Variants in MYO19 observed in about 807,000 individuals in gnomAD.
MYO19 encodes myosin XIX.
In MYO19, 132 loss-of-function variants were observed where a neutral mutation model predicts 129.2. The ratio of observed to expected loss-of-function variants is 1.02; its 90% CI spans 0.89 to 1.18. The LOEUF (loss-of-function observed/expected upper bound fraction) is 1.18. MYO19 is among the 50% of genes most tolerant of loss of function. The pLI is 0.00. For synonymous variants in MYO19, 531 were observed against 477.2 expected (o/e 1.11, Z -1.47); for missense variants, 1,210 against 1,216.7 (o/e 0.99, Z 0.08).
intron 3 of MYO19, among the ~76,000 whole-genome samples, chr17:36,529,487 C>T (rs2073694466): frequency 6.6e-6 from 1 of 152,086 alleles, no homozygotes. Context: ...GGTGAATTTC[C>T]AATGAGAATG....
chr17:36,536,890 T>C (rs1187528233), upstream of MYO19, among the ~76,000 whole-genome samples: 1 of 152,196 alleles, frequency 6.6e-6, no homozygotes, highest in Non-Finnish European at 1.5e-5. Flanking sequence ...TTAATATTAT[T>C]AGTATGACAT....
chr17:36,533,693 C>G (rs990397748), intron 2 of MYO19: 4 of 152,198 alleles, frequency 2.6e-5, no homozygotes, highest in Non-Finnish European at 4.4e-5. Context: ...CTAAAAGATC[C>G]TGACCCTGGA....
upstream of MYO19, chr17:36,538,383 G>A (rs1198359147): frequency 2.5e-6 from 4 of 1,613,998 alleles, no homozygotes; most frequent in Non-Finnish European, 3.4e-6. Context: ...AGAATCTCTA[G>A]TCCCTGAAGC....
upstream of MYO19, among the ~76,000 whole-genome samples, chr17:36,539,919 T>A (rs988644535): frequency 2.6e-5 from 4 of 151,644 alleles, no homozygotes; most frequent in African/African-American, 9.7e-5. Flanking sequence ...TAGAGCTGAT[T>A]AGTGGGATGA....
chr17:36,526,091 C>T (rs1027739732), intron 5 of MYO19, among the ~76,000 whole-genome samples: 2 of 152,168 alleles, frequency 1.3e-5, no homozygotes, highest in African/African-American at 4.8e-5. Context: ...GGCAACTGTT[C>T]CATATGGCGT....
chr17:36,504,628 G>A (rs2071754055), intron 19 of MYO19: 2 of 156,156 alleles, frequency 1.3e-5, no homozygotes, highest in Non-Finnish European at 2.8e-5. Context: ...AAATGATACC[G>A]GCTGAGTGCA....
At chr17:36,535,131 G>T (rs1291622931), upstream of MYO19, 1 of 150,636 alleles carries the variant, frequency 6.6e-6, no homozygotes, top group East Asian at 1.9e-4. Flanking sequence ...AAGCGCGGAA[G>T]CACGGTTTCC....
At position 36,512,553 on chromosome 17, in the gene MYO19, G is replaced by A. The variant is rs1247767719; in HGVS notation, c.894+876C>T. 5 of 1,168,130 alleles carry A rather than the reference G, an allele frequency of 4.3e-6. No individual in the cohort carries two copies. The East Asian group carries it at 2.4e-4, about 57-fold the overall frequency. The allele number at this position is 1,168,130 out of a possible 1,614,324, so 72.4% of individuals were successfully genotyped here. ...CATGCCCACCAGGCAGAAGGGCTGT[G>A]GCAGAGGGTCATGCCCACCCCCAAA... On this transcript the variant is annotated intron_variant, in intron 11 of 25. Coordinates refer to ENST00000614623, the MANE Select transcript of MYO19 (RefSeq NM_001163735.2).
rs1458676462 is a variant in MYO19 at position 36,500,908 on chromosome 17, A to G, written c.2299T>C (p.Cys767Arg). Reference protein sequence around the residue: ...RARVLEQCARCIQGGWRRHRH... With the variant: ...RARVLEQCARRIQGGWRRHRH... ...TGTCGCCTCCAGCCACCCTGGATGC[A>G]GCGGGCACACTGCTCCAGCACCCGG... The change falls in exon 23 of 26, where the codon TGC becomes CGC. Residue 767 changes from cysteine to arginine, a missense_variant. Physicochemically the swap from Cys to Arg is radical, Grantham distance 180. Coordinates refer to ENST00000614623, the MANE Select transcript of MYO19 (RefSeq NM_001163735.2). 6.2e-7 allele frequency: 1 copy of G among 1,609,786 alleles called. No homozygotes were observed. The highest frequency in any genetic ancestry group is 8.5e-7 in the Non-Finnish European group (1 of 1,179,246).
upstream of MYO19, chr17:36,538,082 T>A (rs1475413023): frequency 6.2e-7 from 1 of 1,614,194 alleles, no homozygotes; most frequent in Non-Finnish European, 8.5e-7. Flanking sequence ...TATATATGCA[T>A]AAGAACCGAT....
At position 36,498,403 on chromosome 17, in the gene MYO19, C is replaced by CCAATA; in HGVS notation, c.2619_2620insTATTG (p.Ala874TyrfsTer6). The CCAATA allele has an allele frequency of 1.2e-6, 2 of 1,614,036 alleles. No individual in the cohort carries two copies. Among genetic ancestry groups the CCAATA allele is most frequent in the Non-Finnish European group, 1.7e-6 (2 of 1,179,894 alleles). On this transcript the variant is annotated frameshift_variant, in exon 25 of 26. Transcript: ENST00000614623. LOFTEE classifies it high-confidence loss of function. ...CTCTGAAAGCTGCCTACACCCATAG[C>CCAATA]CGTATTGGCCAGGACCAGTCCCAGG...
intron 6 of MYO19, among the ~76,000 whole-genome samples, chr17:36,520,564 C>G (rs973591281): frequency 6.6e-6 from 1 of 152,102 alleles, no homozygotes; most frequent in African/African-American, 2.4e-5. Flanking sequence ...TTCTATTATA[C>G]TTCCACTACC....
intron 11 of MYO19, chr17:36,513,131 G>A (rs1204828608): frequency 1.4e-6 from 2 of 1,379,996 alleles, no homozygotes; most frequent in Admixed American, 3.2e-5. Context: ...AAGCAAGGCG[G>A]TAGCACTAGT....
At chr17:36,538,790 G>C (rs1373840785), upstream of MYO19, 2 of 612,402 alleles carry the variant, frequency 3.3e-6, no homozygotes, top group East Asian at 6.1e-5. Flanking sequence ...GTCTTGCTCT[G>C]TTACCCAGGC....
At chr17:36,496,478 C>G (rs1342619506) in intron 25 of MYO19, 72 bp from the exon 26 acceptor site, 3 of 1,485,756 alleles carry the variant, frequency 2.0e-6, no homozygotes, top group Non-Finnish European at 2.8e-6. Flanking sequence ...CCCCACAGAG[C>G]AGACGCTAAA....
At chr17:36,513,250 C>T (rs2072491446) in intron 11 of MYO19, 179 bp downstream of exon 11, 2 of 1,465,806 alleles carry the variant, frequency 1.4e-6, no homozygotes, top group African/African-American at 1.4e-5. Flanking sequence ...CCCGTCCACC[C>T]CACCACCTGG....
Position 36,496,216 on chromosome 17 carries a change from A to T in MYO19, c.*35T>A. 1.2e-6 allele frequency: 2 copies of T among 1,610,440 alleles called. No homozygotes were observed. The highest frequency in any genetic ancestry group is 1.7e-6 in the Non-Finnish European group (2 of 1,177,390). ...AAATGTCTTTGGCAAGGCAGGGGGC[A>T]GGAAAAGGCCTTGTGGAAACAAAGG... On this transcript the variant is annotated 3_prime_UTR_variant, in exon 26 of 26. Transcript: ENST00000614623.
At chr17:36,515,632 T>TA (rs1276629467) in intron 7 of MYO19, among the ~76,000 whole-genome samples, 1 of 152,160 alleles carries the variant, frequency 6.6e-6, no homozygotes, top group Non-Finnish European at 1.5e-5. Flanking sequence ...GCACGACTGT[T>TA]ATGTGTGCCT....
intron 3 of MYO19, among the ~76,000 whole-genome samples, chr17:36,529,275 T>C (rs1188883580): frequency 1.3e-5 from 2 of 152,116 alleles, no homozygotes; most frequent in Non-Finnish European, 2.9e-5. Context: ...TCCTTCTGCC[T>C]CAGCTTCCTG....
Sources: allele counts gnomAD v4.1 joint callset (sites outside exome capture counted in the v4.1 genomes callset), GRCh38; gene constraint gnomAD v4.1.1; transcripts MANE v1.5; gene names NCBI Gene and HGNC (gene_info 2026-07-23, HGNC 2026-07-21).